The following ITPR1 variants were observed in gnomAD, a reference collection of about 807,000 sequenced individuals.
ITPR1 encodes the protein inositol 1,4,5-trisphosphate-gated calcium channel ITPR1.
Under a neutral mutation model 318.4 loss-of-function variants are expected in ITPR1, and 96 were observed. That is an observed-to-expected ratio of 0.30 (90% CI 0.26 to 0.36). The LOEUF (loss-of-function observed/expected upper bound fraction) is 0.36, where lower values mean the gene tolerates loss of function less well. Among genes scored for constraint, ITPR1 ranks in the 10% least tolerant of loss-of-function variants. The pLI, the probability that ITPR1 is intolerant of heterozygous loss-of-function variation, is 1.00. For missense variants in ITPR1, 2,440 were observed against 3,460.2 expected (o/e 0.71, Z 7.40); for synonymous variants, 1,312 against 1,289.9 (o/e 1.02, Z -0.37).
intron 5 of ITPR1, among the ~76,000 whole-genome samples, chr3:4,633,580 A>T (rs895793521): frequency 3.9e-5 from 6 of 152,180 alleles, no homozygotes; most frequent in Non-Finnish European, 5.9e-5. Flanking sequence ...GGAGAGTGAC[A>T]TCTAGTGGCT....
intron 47 of ITPR1, 92 bp downstream of exon 47, chr3:4,775,534 C>A (rs989136457): frequency 4.1e-6 from 4 of 977,438 alleles, no homozygotes; most frequent in African/African-American, 1.6e-5. Flanking sequence ...AAGCCTGTGC[C>A]TGTTGGCCTA....
intron 15 of ITPR1, 61 bp downstream of exon 15, chr3:4,662,303 T>C: frequency 7.3e-7 from 1 of 1,369,644 alleles, no homozygotes; most frequent in East Asian, 2.6e-5. Flanking sequence ...CTGACATCCA[T>C]GGGGTGGAGT....
At chr3:4,765,074 GA>G (rs1553734300) in intron 44 of ITPR1, among the ~76,000 whole-genome samples, 1 of 151,782 alleles carries the variant, frequency 6.6e-6, no homozygotes, top group Non-Finnish European at 1.5e-5. Context: ...TAAAAGAAAA[GA>G]AAAGAAAAGA....
At chr3:4,686,511 A>G (rs920138011) in intron 30 of ITPR1, among the ~76,000 whole-genome samples, 1 of 152,214 alleles carries the variant, frequency 6.6e-6, no homozygotes, top group Admixed American at 6.5e-5. Flanking sequence ...GTGTTGTCTC[A>G]TAATATCATC....
intron 10 of ITPR1, among the ~76,000 whole-genome samples, chr3:4,647,219 A>T (rs532489630): frequency 6.6e-6 from 1 of 152,022 alleles, no homozygotes; most frequent in South Asian, 2.1e-4. Flanking sequence ...TCTTGCATGT[A>T]TCAGATTAAT....
chr3:4,820,532 A>G (rs2106507951), intron 60 of ITPR1, among the ~76,000 whole-genome samples: 1 of 152,200 alleles, frequency 6.6e-6, no homozygotes, highest in African/African-American at 2.4e-5. Flanking sequence ...GTAGCCCGCC[A>G]CCCACCCAAC....
intron 31 of ITPR1, among the ~76,000 whole-genome samples, chr3:4,688,970 G>A (rs1259152742): frequency 6.6e-6 from 1 of 152,140 alleles, no homozygotes; most frequent in Non-Finnish European, 1.5e-5. Flanking sequence ...GTTTTCTGTG[G>A]CTATGTATAC....
chr3:4,727,275 AT>A, intron 42 of ITPR1, 102 bp downstream of exon 42: 1 of 819,628 alleles, frequency 1.2e-6, no homozygotes, highest in East Asian at 2.5e-5. Flanking sequence ...TGTTGTTGAT[AT>A]TGTTAAAGCA....
chr3:4,521,303 A>T (rs749671950), intron 4 of ITPR1, among the ~76,000 whole-genome samples: 6 of 152,162 alleles, frequency 3.9e-5, no homozygotes, highest in Non-Finnish European at 7.4e-5. Context: ...CTGGGTCCTT[A>T]ATTTGTCTAT....
intron 4 of ITPR1, among the ~76,000 whole-genome samples, chr3:4,538,066 A>G (rs2084046896): frequency 6.6e-6 from 1 of 152,056 alleles, no homozygotes; most frequent in African/African-American, 2.4e-5. Context: ...CTTTCTTTAG[A>G]TTTATTTTGT....
At chr3:4,521,790 A>G (rs1242145107) in intron 4 of ITPR1, among the ~76,000 whole-genome samples, 1 of 152,202 alleles carries the variant, frequency 6.6e-6, no homozygotes. Flanking sequence ...GGATCACCTG[A>G]GCCTGGGAGT....
chr3:4,594,889 A>T (rs1471450965), intron 4 of ITPR1, among the ~76,000 whole-genome samples: 1 of 152,142 alleles, frequency 6.6e-6, no homozygotes, highest in Non-Finnish European at 1.5e-5. Flanking sequence ...GTTAAAACTG[A>T]AATTGAGAGT....
At chr3:4,806,069 C>T (rs750170366) in intron 54 of ITPR1, 34 bp from the exon 55 acceptor site, 32 of 1,576,036 alleles carry the variant, frequency 2.0e-5, no homozygotes, top group Admixed American at 8.6e-5. Flanking sequence ...TGGCACAGTC[C>T]GTGCCATCTG....
intron 2 of ITPR1, among the ~76,000 whole-genome samples, chr3:4,510,907 A>G (rs957138543): frequency 2.0e-5 from 3 of 152,138 alleles, no homozygotes; most frequent in East Asian, 1.9e-4. Flanking sequence ...GGCTTGAGAA[A>G]ACAGCACAGG....
intron 4 of ITPR1, among the ~76,000 whole-genome samples, chr3:4,611,784 T>C (rs559261221): frequency 9.2e-5 from 14 of 152,108 alleles, no homozygotes; most frequent in Non-Finnish European, 4.4e-5. Flanking sequence ...ATTCAATGAA[T>C]ACTTGCTTGG....
At chr3:4,645,829 C>G in intron 10 of ITPR1, 101 bp downstream of exon 10, 31 of 1,079,928 alleles carry the variant, frequency 2.9e-5, no homozygotes, top group Non-Finnish European at 4.1e-5. Flanking sequence ...CATACATATA[C>G]CTATATGTGT....
At chr3:4,640,496 T>C (rs1215823901) in intron 6 of ITPR1, among the ~76,000 whole-genome samples, 1 of 152,220 alleles carries the variant, frequency 6.6e-6, no homozygotes, top group Non-Finnish European at 1.5e-5. Context: ...TCAAGTTCAA[T>C]GTCAGCTTTA....
At chr3:4,544,575 A>T (rs1056513170) in intron 4 of ITPR1, among the ~76,000 whole-genome samples, 3 of 152,196 alleles carry the variant, frequency 2.0e-5, no homozygotes, top group Non-Finnish European at 4.4e-5. Context: ...GTGATGCCTT[A>T]GTTTGGCTAG....
At chr3:4,691,700 T>A (rs2094481002) in intron 32 of ITPR1, among the ~76,000 whole-genome samples, 1 of 152,260 alleles carries the variant, frequency 6.6e-6, no homozygotes, top group Non-Finnish European at 1.5e-5. Context: ...TTAAAAATTA[T>A]TCACCTAATT....
Sources: allele counts gnomAD v4.1 joint callset (sites outside exome capture counted in the v4.1 genomes callset), GRCh38; gene constraint gnomAD v4.1.1; transcripts MANE v1.5; gene names NCBI Gene and HGNC (gene_info 2026-07-23, HGNC 2026-07-21).